Variants in ADAMTSL1 observed in about 807,000 individuals in gnomAD.
ADAMTSL1 encodes ADAMTS like 1.
ADAMTSL1 carries 126 observed loss-of-function variants against 201.8 expected under a neutral mutation model. The observed-to-expected ratio is 0.62, with a 90% CI of 0.54 to 0.72. The LOEUF (loss-of-function observed/expected upper bound fraction) is 0.72, where lower values mean the gene tolerates loss of function less well. ADAMTSL1 is among the 30% of genes least tolerant of loss of function. The pLI, the probability that ADAMTSL1 is intolerant of heterozygous loss-of-function variation, is 0.00. For synonymous variants in ADAMTSL1, 1,121 were observed against 903.4 expected (o/e 1.24, Z -4.32); for missense variants, 2,679 against 2,277.8 (o/e 1.18, Z -3.59).
At chr9:18,803,248 C>T (rs550068145) in intron 20 of ADAMTSL1, among the ~76,000 whole-genome samples, 1 of 152,284 alleles carries the variant, frequency 6.6e-6, no homozygotes, top group South Asian at 2.1e-4. Context: ...TTCTGTGAAA[C>T]TTAGGTCTAT....
At position 18,889,613 on chromosome 9, in the gene ADAMTSL1, G is replaced by C. The variant is rs1829118525; in HGVS notation, c.4508G>C (p.Cys1503Ser). Residue 1503 changes from cysteine to serine, a missense_variant, in exon 25 of 29, where the codon TGT (cysteine) becomes TCT (serine). Physicochemically the swap from Cys to Ser is moderately radical, Grantham distance 112. Transcript: ENST00000380548. Reference protein sequence around the residue: ...VDRLATCSASCGNRGVQQPRL... With the variant: ...VDRLATCSASSGNRGVQQPRL... ...AGACTGGCAACCTGCTCAGCCTCCT[G>C]TGGTAACCGGGGGGTTCAGCAGCCC... The C allele has an allele frequency of 6.2e-7, 1 of 1,613,806 alleles. No homozygotes were observed. Among genetic ancestry groups the C allele is most frequent in the Non-Finnish European group, 8.5e-7 (1 of 1,179,830 alleles).
chr9:18,002,838 A>G (rs1249148865), intron 1 of ADAMTSL1, among the ~76,000 whole-genome samples: 1 of 152,064 alleles, frequency 6.6e-6, no homozygotes, highest in African/African-American at 2.4e-5. Context: ...TAAATGACTT[A>G]CCCAGAGCCA....
chr9:18,528,970 G>A lies in ADAMTSL1; in HGVS notation c.192-4277G>A, dbSNP rs147859487. Among the ~76,000 whole-genome samples, 314 of 151,880 alleles carry A rather than the reference G, an allele frequency of 2.1e-3. 1 individual carries two copies. Among genetic ancestry groups the A allele is most frequent in the African/African-American group, 7.1e-3 (295 of 41,438 alleles). ...AATCACTCAGCTGTTTTATATTAAC[G>A]ACCTGTTAAAAAAAAGAAGGAAAAC... On this transcript the variant is annotated intron_variant, in intron 2 of 28. Transcript: ENST00000380548.
chr9:18,084,097 CCAAA>C (rs1823636825), intron 1 of ADAMTSL1, among the ~76,000 whole-genome samples: 1 of 152,230 alleles, frequency 6.6e-6, no homozygotes, highest in African/African-American at 2.4e-5. Flanking sequence ...TCCCTACCTC[CCAAA>C]CAAATTCTTT....
At chr9:18,534,377 A>C (rs1054219514) in intron 3 of ADAMTSL1, among the ~76,000 whole-genome samples, 1 of 152,150 alleles carries the variant, frequency 6.6e-6, no homozygotes, top group African/African-American at 2.4e-5. Flanking sequence ...AAGAAAGAAG[A>C]AGAAGAAGGA....
At chr9:18,766,849 G>A (rs1260512129) in intron 16 of ADAMTSL1, among the ~76,000 whole-genome samples, 1 of 152,216 alleles carries the variant, frequency 6.6e-6, no homozygotes, top group African/African-American at 2.4e-5. Flanking sequence ...ATTTCAGCGT[G>A]TGAATTTAGG....
chr9:18,643,031 A>G (rs907310014), intron 7 of ADAMTSL1, among the ~76,000 whole-genome samples: 6 of 152,034 alleles, frequency 3.9e-5, no homozygotes, highest in Non-Finnish European at 7.4e-5. Flanking sequence ...TGGCTGAATC[A>G]ATTTACATTC....
At chr9:18,535,001 C>T (rs1819671318) in intron 3 of ADAMTSL1, among the ~76,000 whole-genome samples, 1 of 152,188 alleles carries the variant, frequency 6.6e-6, no homozygotes, top group African/African-American at 2.4e-5. Flanking sequence ...GAGACATTTT[C>T]CCCATCGTCT....
chr9:18,412,736 C>T (rs542499797), intron 2 of ADAMTSL1, among the ~76,000 whole-genome samples: 1 of 152,130 alleles, frequency 6.6e-6, no homozygotes, highest in Non-Finnish European at 1.5e-5. Flanking sequence ...GCCCCTTCTC[C>T]ATTTATTCTA....
At chr9:18,519,440 C>A (rs1587440448) in intron 2 of ADAMTSL1, among the ~76,000 whole-genome samples, 1 of 152,160 alleles carries the variant, frequency 6.6e-6, no homozygotes, top group Non-Finnish European at 1.5e-5. Flanking sequence ...ATAGGACCTC[C>A]CACCTAAGAT....
intron 5 of ADAMTSL1, among the ~76,000 whole-genome samples, chr9:18,626,951 CTTTT>C (rs1486554950): frequency 8.9e-6 from 1 of 112,598 alleles, no homozygotes; most frequent in African/African-American, 3.4e-5. Context: ...TTCTTTCTTT[CTTTT>C]CTTTTCTTTT....
intron 9 of ADAMTSL1, among the ~76,000 whole-genome samples, chr9:18,669,844 C>A (rs893525368): frequency 2.0e-5 from 3 of 152,022 alleles, no homozygotes; most frequent in Non-Finnish European, 2.9e-5. Flanking sequence ...TTAGTTTTTG[C>A]GGATGGCCAA....
At chr9:18,561,603 G>C (rs2132282535) in intron 3 of ADAMTSL1, among the ~76,000 whole-genome samples, 1 of 152,266 alleles carries the variant, frequency 6.6e-6, no homozygotes, top group East Asian at 1.9e-4. Context: ...CTGTCTTGTT[G>C]ATCTGTCTAA....
At chr9:18,546,411 A>G (rs949792802) in intron 3 of ADAMTSL1, among the ~76,000 whole-genome samples, 1 of 152,114 alleles carries the variant, frequency 6.6e-6, no homozygotes, top group Non-Finnish European at 1.5e-5. Flanking sequence ...TCCTGGACTC[A>G]AGTGATCTTC....
intron 1 of ADAMTSL1, among the ~76,000 whole-genome samples, chr9:17,966,813 A>G (rs990974603): frequency 2.6e-5 from 4 of 151,924 alleles, no homozygotes; most frequent in African/African-American, 9.7e-5. Context: ...TCCCTCCCCA[A>G]TCCTGTTGTT....
chr9:18,478,930 A>G (rs1821593655), intron 1 of ADAMTSL1, among the ~76,000 whole-genome samples: 1 of 152,184 alleles, frequency 6.6e-6, no homozygotes, highest in African/African-American at 2.4e-5. Context: ...TGTCTACATC[A>G]TAAAAACCAT....
At chr9:18,238,518 T>A (rs1830936230) in intron 2 of ADAMTSL1, among the ~76,000 whole-genome samples, 1 of 152,184 alleles carries the variant, frequency 6.6e-6, no homozygotes, top group South Asian at 2.1e-4. Flanking sequence ...TCTGAATATG[T>A]TTCTTCATTT....
intron 1 of ADAMTSL1, among the ~76,000 whole-genome samples, chr9:17,947,345 A>ACACACACC (rs1554668687): frequency 8.0e-4 from 118 of 147,104 alleles, no homozygotes; most frequent in African/African-American, 2.5e-3. Flanking sequence ...ACACACACAC[A>ACACACACC]CCCCACTATG....
Position 18,213,101 on chromosome 9 carries a change from CA to C in ADAMTSL1, c.207+49121del, listed in dbSNP as rs1829936622. Among the ~76,000 whole-genome samples, 3 of 152,176 alleles carry C rather than the reference CA, an allele frequency of 2.0e-5. No homozygotes were observed. In the South Asian group the frequency reaches 6.2e-4, roughly 32 times the overall value. On this transcript the variant is annotated intron_variant, in intron 2 of 29. Coordinates refer to the ADAMTSL1 transcript ENST00000680146. Reference sequence around the variant, plus strand: ...TGGCAGAAATTCTCATGAACGCTCACACCAAAAATTCACTTACCACATGACT... The same window carrying C: ...TGGCAGAAATTCTCATGAACGCTCACCCAAAAATTCACTTACCACATGACT...
Sources: gnomAD v4.1 joint callset for allele counts (sites outside exome capture counted in the v4.1 genomes callset) on GRCh38, gnomAD v4.1.1 for gene constraint, MANE v1.5 for transcripts, NCBI Gene and HGNC (gene_info 2026-07-23, HGNC 2026-07-21) for gene names.